Variants in CDH6 observed in about 807,000 individuals in gnomAD.
CDH6 encodes cadherin 6, also known as cadherin-6.
A neutral mutation model predicts 78.0 loss-of-function variants in CDH6; 31 were observed. The ratio of observed to expected loss-of-function variants is 0.40; its 90% confidence interval spans 0.30 to 0.54. CDH6 has a LOEUF of 0.54. CDH6 is among the 20% of genes least tolerant of loss of function. CDH6 has a pLI of 0.56. For missense variants in CDH6, 724 were observed against 975.9 expected, an observed-to-expected ratio of 0.74 and a Z score of 3.44; for synonymous variants, 376 against 368.8, an observed-to-expected ratio of 1.02 and a Z score of -0.23.
chr5:31,281,680 G>A (rs1429694890), intron 2 of CDH6, among the ~76,000 whole-genome samples: 1 of 152,138 alleles, frequency 6.6e-6, no homozygotes, highest in East Asian at 1.9e-4. Flanking sequence ...GACAAATCCT[G>A]AATGAACAAT....
chr5:31,240,060 T>C (rs771387160), intron 1 of CDH6, among the ~76,000 whole-genome samples: 100 of 152,166 alleles, frequency 6.6e-4, no homozygotes, highest in South Asian at 1.0e-3. Flanking sequence ...CTGATGAACA[T>C]TCACTCCTCC....
chr5:31,200,569 C>CAT (rs751878054), intron 1 of CDH6, among the ~76,000 whole-genome samples: 1 of 111,612 alleles, frequency 9.0e-6, no homozygotes, highest in Non-Finnish European at 1.8e-5. Context: ...CACATACATA[C>CAT]ACACACACAC....
intron 1 of CDH6, among the ~76,000 whole-genome samples, chr5:31,254,523 A>T (rs889085226): frequency 6.6e-6 from 1 of 152,204 alleles, no homozygotes. Flanking sequence ...AAGGCATTAC[A>T]TTGTGGGTGG....
chr5:31,272,009 G>A (rs1742543044), intron 2 of CDH6, among the ~76,000 whole-genome samples: 1 of 152,190 alleles, frequency 6.6e-6, no homozygotes, highest in South Asian at 2.1e-4. Context: ...CGTGATAACA[G>A]AATGTGGCAA....
At chr5:31,235,551 G>A (rs1167930806) in intron 1 of CDH6, among the ~76,000 whole-genome samples, 1 of 152,062 alleles carries the variant, frequency 6.6e-6, no homozygotes, top group East Asian at 1.9e-4. Context: ...TTCTCTGCAA[G>A]CAGCTACTGA....
At chr5:31,315,586 G>A (rs538483239) in intron 8 of CDH6, among the ~76,000 whole-genome samples, 1 of 152,308 alleles carries the variant, frequency 6.6e-6, no homozygotes, top group East Asian at 1.9e-4. Context: ...TGGGCTTTCA[G>A]CCTGGGCTTG....
intron 1 of CDH6, among the ~76,000 whole-genome samples, chr5:31,199,717 C>CAAAGATAAAAAGCACTCACCATATA (rs1423706594): frequency 1.7e-5 from 2 of 114,742 alleles, no homozygotes; most frequent in East Asian, 5.7e-4. Flanking sequence ...ATATATATAT[C>CAAAGATAAAAAGCACTCACCATATA]TCAAAGATAA....
chr5:31,305,045 ATG>A lies in CDH6; in HGVS notation c.1000-125_1000-124del, dbSNP rs1042075760. ...TCTCCCTTTGCCCAATATCACACAA[ATG>A]TGTTTCTCTAAGCAATATGATCGCA... On this transcript the variant is annotated intron_variant, in intron 6 of 11. Transcript: ENST00000265071. 4 of 937,398 alleles carry A rather than the reference ATG, an allele frequency of 4.3e-6. No homozygotes were observed. In the African/African-American group the frequency reaches 6.6e-5, roughly 15 times the overall value. 58.1% of individuals were successfully genotyped at this position (937,398 alleles called of 1,614,324 possible). A position where few individuals can be genotyped will look rare whatever the true frequency, so the allele number is the denominator to read the frequency against.
chr5:31,204,731 C>T (rs1740466705), intron 1 of CDH6, among the ~76,000 whole-genome samples: 1 of 152,070 alleles, frequency 6.6e-6, no homozygotes, highest in Admixed American at 6.5e-5. Flanking sequence ...AAGATGAGAG[C>T]CAAACCTGTC....
intron 1 of CDH6, among the ~76,000 whole-genome samples, chr5:31,207,131 T>C (rs1057007512): frequency 2.0e-5 from 3 of 152,160 alleles, no homozygotes; most frequent in Admixed American, 2.0e-4. Context: ...TAATGAACAC[T>C]TTTGGGCAAG....
chr5:31,268,730 T>C (rs1289391418), intron 2 of CDH6, among the ~76,000 whole-genome samples: 2 of 152,174 alleles, frequency 1.3e-5, no homozygotes, highest in East Asian at 3.8e-4. Context: ...AAACATACAC[T>C]TTGCAGATTC....
intron 7 of CDH6, among the ~76,000 whole-genome samples, chr5:31,306,261 T>A (rs1430421584): frequency 6.6e-6 from 1 of 152,216 alleles, no homozygotes; most frequent in Non-Finnish European, 1.5e-5. Flanking sequence ...GTCTGTGAAA[T>A]CCTAGGGAAA....
chr5:31,273,039 T>A (rs531844799), intron 2 of CDH6, among the ~76,000 whole-genome samples: 1 of 152,300 alleles, frequency 6.6e-6, no homozygotes, highest in East Asian at 1.9e-4. Flanking sequence ...CTTCTCAAGA[T>A]AATTAAACAG....
chr5:31,297,428 CT>C lies in CDH6; in HGVS notation c.643+25del. On this transcript the variant is annotated intron_variant, in intron 4 of 11. Transcript: ENST00000265071. ...AAACAGGTTAGACTTTTTGATCTTC[CT>C]TTTTATAATCTATAATTTTAATTGA... 6.4e-7 allele frequency: 1 copy of C among 1,559,622 alleles called. No homozygotes were observed. The highest frequency in any genetic ancestry group is 8.7e-7 in the Non-Finnish European group (1 of 1,146,966).
At chr5:31,261,862 C>T (rs1268678143) in intron 1 of CDH6, among the ~76,000 whole-genome samples, 1 of 152,126 alleles carries the variant, frequency 6.6e-6, no homozygotes, top group East Asian at 1.9e-4. Flanking sequence ...CCAGATAATA[C>T]ATTTGAGTCA....
chr5:31,322,373 G>C (rs626147), intron 11 of CDH6, among the ~76,000 whole-genome samples: 67,574 of 151,662 alleles, frequency 0.45, 16,935 homozygotes, highest in East Asian at 0.54. Context: ...AGTTATTTTA[G>C]ATGTGGAGTT....
At chr5:31,270,758 G>A (rs1349987228) in intron 2 of CDH6, among the ~76,000 whole-genome samples, 6 of 151,426 alleles carry the variant, frequency 4.0e-5, no homozygotes, top group South Asian at 2.1e-4. Context: ...GTTCAGCAGC[G>A]CAGTCTCCGC....
intron 1 of CDH6, among the ~76,000 whole-genome samples, chr5:31,219,776 A>C (rs981160556): frequency 4.6e-5 from 7 of 152,224 alleles, no homozygotes; most frequent in African/African-American, 1.7e-4. Context: ...ACAAGTATTC[A>C]GTAAGTATTT....
rs534353751 is a variant in CDH6 at position 31,316,107 on chromosome 5, T to C, written c.1391-101T>C. 7.1e-4 allele frequency: 898 copies of C among 1,258,352 alleles called. 14 individuals carry two copies. The South Asian group carries it at 0.013, about 19-fold the overall frequency. 77.9% of individuals were successfully genotyped at this position (1,258,352 alleles called of 1,614,324 possible). On this transcript the variant is annotated intron_variant, in intron 8 of 11. Coordinates refer to ENST00000265071, the MANE Select transcript of CDH6 (RefSeq NM_004932.4). ...CCCAGTAGTACAGCAGCTTGGGGAA[T>C]CTGTGCATGAATGAGAATGAAGGAG...
Sources: gnomAD v4.1 joint callset for allele counts (sites outside exome capture counted in the v4.1 genomes callset) on GRCh38, gnomAD v4.1.1 for gene constraint, MANE v1.5 for transcripts, NCBI Gene and HGNC (gene_info 2026-07-23, HGNC 2026-07-21) for gene names.